Variants in RBPJ observed in about 807,000 individuals in gnomAD.
The protein encoded by RBPJ is recombining binding protein suppressor of hairless.
RBPJ carries 9 observed loss-of-function variants against 67.8 expected under a neutral mutation model. The ratio of observed to expected loss-of-function variants is 0.13; its 90% CI spans 0.08 to 0.23. The LOEUF (loss-of-function observed/expected upper bound fraction) is 0.23, where lower values mean the gene tolerates loss of function less well. Among genes scored for constraint, RBPJ ranks in the 10% least tolerant of loss-of-function variants. The pLI is 1.00. For synonymous variants in RBPJ, 198 were observed against 203.3 expected, an observed-to-expected ratio of 0.97 and a Z score of 0.22; for missense variants, 305 against 595.6, an observed-to-expected ratio of 0.51 and a Z score of 5.08.
At chr4:26,407,226 C>G (rs1733511330) in intron 3 of RBPJ, among the ~76,000 whole-genome samples, 1 of 152,142 alleles carries the variant, frequency 6.6e-6, no homozygotes, top group South Asian at 2.1e-4. Flanking sequence ...GCTGAATAAG[C>G]TCTTGATCCT....
chr4:26,407,155 G>T (rs555962478), intron 3 of RBPJ, among the ~76,000 whole-genome samples: 1 of 152,112 alleles, frequency 6.6e-6, no homozygotes, highest in African/African-American at 2.4e-5. Flanking sequence ...TTTCTTTTTG[G>T]TGGAAAATGT....
At chr4:26,177,221 C>T (rs1716826748) in intron 1 of RBPJ, among the ~76,000 whole-genome samples, 1 of 152,186 alleles carries the variant, frequency 6.6e-6, no homozygotes, top group Admixed American at 6.6e-5. Context: ...TTCGCTCTAG[C>T]TCGTCACTGG....
At chr4:26,428,503 G>C in intron 7 of RBPJ, 1 of 464,218 alleles carries the variant, frequency 2.2e-6, no homozygotes, top group Non-Finnish European at 3.8e-6. Context: ...TCAGGGAAGA[G>C]GGTAACAGTT....
chr4:26,137,871 C>T, the RBPJ span, among the ~76,000 whole-genome samples: 1 of 152,196 alleles, frequency 6.6e-6, no homozygotes, highest in South Asian at 2.1e-4. Context: ...TGGCCCTGCC[C>T]CCCTTCAGGG....
intron 2 of RBPJ, among the ~76,000 whole-genome samples, chr4:26,400,166 A>T (rs975647232): frequency 1.1e-4 from 17 of 151,058 alleles, no homozygotes; most frequent in African/African-American, 2.9e-4. Flanking sequence ...TTTTTTAATT[A>T]AAAAAAAACC....
chr4:26,370,835 C>T (rs1353318242), intron 1 of RBPJ, among the ~76,000 whole-genome samples: 1 of 152,124 alleles, frequency 6.6e-6, no homozygotes, highest in Non-Finnish European at 1.5e-5. Flanking sequence ...AATCCCAGCA[C>T]TTTGGGAGAC....
chr4:26,331,558 T>C (rs1724263854), intron 1 of RBPJ, among the ~76,000 whole-genome samples: 1 of 152,154 alleles, frequency 6.6e-6, no homozygotes, highest in African/African-American at 2.4e-5. Flanking sequence ...CAGTGTTGCT[T>C]CATTAAATGG....
At chr4:26,218,571 C>T (rs893373290) in intron 1 of RBPJ, among the ~76,000 whole-genome samples, 5 of 152,198 alleles carry the variant, frequency 3.3e-5, no homozygotes, top group African/African-American at 1.2e-4. Context: ...CCTCTTGCCA[C>T]ACTGTTGTTA....
intron 1 of RBPJ, among the ~76,000 whole-genome samples, chr4:26,309,648 T>C (rs1722360042): frequency 6.6e-6 from 1 of 152,224 alleles, no homozygotes; most frequent in African/African-American, 2.4e-5. Flanking sequence ...TTTTTAAAAC[T>C]ATGGATGTTT....
At chr4:26,211,868 G>C (rs1226948560) in intron 1 of RBPJ, among the ~76,000 whole-genome samples, 1 of 152,164 alleles carries the variant, frequency 6.6e-6, no homozygotes, top group Non-Finnish European at 1.5e-5. Context: ...CTGGAGTACA[G>C]TAGACCATCC....
At chr4:26,377,737 A>G (rs1729901632) in intron 1 of RBPJ, among the ~76,000 whole-genome samples, 1 of 152,130 alleles carries the variant, frequency 6.6e-6, no homozygotes, top group Non-Finnish European at 1.5e-5. Flanking sequence ...TAAATTCTTT[A>G]CTTATCTGCC....
chr4:26,396,537 A>G (rs925117157), intron 2 of RBPJ, among the ~76,000 whole-genome samples: 6 of 152,246 alleles, frequency 3.9e-5, no homozygotes, highest in Non-Finnish European at 8.8e-5. Flanking sequence ...TTCTCTACAT[A>G]AGAGGTAAAG....
chr4:26,398,070 T>TTGTG (rs10535928), intron 2 of RBPJ, among the ~76,000 whole-genome samples: 2,286 of 150,848 alleles, frequency 0.015, 41 homozygotes, highest in Middle Eastern at 0.051. Flanking sequence ...ACGAGTGATA[T>TTGTG]TGTGTGTGTG....
chr4:26,338,638 C>T (rs555007682), intron 1 of RBPJ, among the ~76,000 whole-genome samples: 3 of 149,926 alleles, frequency 2.0e-5, no homozygotes, highest in African/African-American at 4.9e-5. Context: ...TGCAGTGGCA[C>T]GATCTTGGCT....
intron 1 of RBPJ, among the ~76,000 whole-genome samples, chr4:26,210,762 T>TC (rs1577475762): frequency 8.9e-5 from 12 of 134,510 alleles, no homozygotes; most frequent in East Asian, 6.6e-4. Flanking sequence ...CTTCTTTCTT[T>TC]CTTTCTTTCT....
At chr4:26,173,218 C>T (rs1047995246) in intron 1 of RBPJ, among the ~76,000 whole-genome samples, 5 of 152,088 alleles carry the variant, frequency 3.3e-5, no homozygotes, top group African/African-American at 1.2e-4. Flanking sequence ...TCACTGCAAC[C>T]TCCATCTCCC....
At chr4:26,393,366 A>T (rs1250032505) in intron 2 of RBPJ, among the ~76,000 whole-genome samples, 2 of 152,100 alleles carry the variant, frequency 1.3e-5, no homozygotes, top group Non-Finnish European at 2.9e-5. Context: ...TTTAGGTACC[A>T]TCTGGCCTTT....
chr4:26,330,726 C>T (rs1366554208), intron 1 of RBPJ, among the ~76,000 whole-genome samples: 1 of 152,032 alleles, frequency 6.6e-6, no homozygotes, highest in African/African-American at 2.4e-5. Context: ...GTTATGACTG[C>T]GTAAATTGCT....
intron 1 of RBPJ, among the ~76,000 whole-genome samples, chr4:26,344,835 A>G (rs747710786): frequency 3.9e-5 from 6 of 152,202 alleles, no homozygotes; most frequent in Admixed American, 1.3e-4. Context: ...AACTGTTTAT[A>G]TGTATGAATC....
Sources: gnomAD v4.1 joint callset for allele counts (sites outside exome capture counted in the v4.1 genomes callset) on GRCh38, gnomAD v4.1.1 for gene constraint, MANE v1.5 for transcripts, NCBI Gene and HGNC (gene_info 2026-07-23, HGNC 2026-07-21) for gene names.